Variants in MAF observed in about 807,000 individuals in gnomAD.
MAF encodes the protein transcription factor Maf.
MAF carries 10 observed loss-of-function variants against 22.0 expected under a neutral mutation model. The observed-to-expected ratio is 0.45, with a 90% CI of 0.28 to 0.77. The LOEUF (loss-of-function observed/expected upper bound fraction) is 0.77, where lower values mean the gene tolerates loss of function less well. Among genes scored for constraint, MAF ranks in the 30% least tolerant of loss-of-function variants. The pLI, the probability that MAF is intolerant of heterozygous loss-of-function variation, is 0.12. For missense variants in MAF, 544 were observed against 548.4 expected (o/e 0.99, Z 0.08); for synonymous variants, 337 against 255.8 (o/e 1.32, Z -3.03).
the MAF span, among the ~76,000 whole-genome samples, chr16:79,562,931 A>C: frequency 1.3e-5 from 2 of 152,178 alleles, no homozygotes; most frequent in Admixed American, 1.3e-4. Flanking sequence ...ATTCAAACAA[A>C]ACAAAAGCAA....
the MAF span, among the ~76,000 whole-genome samples, chr16:79,209,853 AT>A: frequency 2.6e-5 from 4 of 152,210 alleles, no homozygotes; most frequent in Non-Finnish European, 4.4e-5. Context: ...GCTCAGGGTT[AT>A]TAGGAATAAT....
chr16:79,251,114 G>A, the MAF span, among the ~76,000 whole-genome samples: 1 of 152,062 alleles, frequency 6.6e-6, no homozygotes, highest in African/African-American at 2.4e-5. Context: ...CTCTCAGAAA[G>A]GTTAAGTGCT....
chr16:79,476,861 TA>T, the MAF span, among the ~76,000 whole-genome samples: 1 of 152,178 alleles, frequency 6.6e-6, no homozygotes. Context: ...TGACATTTTT[TA>T]AAAAATGTCA....
chr16:79,302,586 TA>T, the MAF span, among the ~76,000 whole-genome samples: 9 of 152,344 alleles, frequency 5.9e-5, no homozygotes, highest in South Asian at 1.7e-3. Flanking sequence ...CCTCCTTTCA[TA>T]AAAACACCCA....
the MAF span, among the ~76,000 whole-genome samples, chr16:79,312,539 T>C: frequency 6.6e-6 from 1 of 152,250 alleles, no homozygotes; most frequent in African/African-American, 2.4e-5. Context: ...GTTTGCTCTT[T>C]TGTTCGAATT....
At chr16:79,309,982 C>A in the MAF span, among the ~76,000 whole-genome samples, 1 of 152,124 alleles carries the variant, frequency 6.6e-6, no homozygotes, top group African/African-American at 2.4e-5. Context: ...TAACTTACAC[C>A]GTGGCTTAAA....
chr16:79,449,386 C>A, the MAF span, among the ~76,000 whole-genome samples: 1 of 152,206 alleles, frequency 6.6e-6, no homozygotes, highest in African/African-American at 2.4e-5. Context: ...AATCATGTGA[C>A]TCACTTAATT....
the MAF span, among the ~76,000 whole-genome samples, chr16:79,571,748 T>G: frequency 2.0e-5 from 3 of 152,120 alleles, no homozygotes; most frequent in Non-Finnish European, 1.5e-5. Flanking sequence ...CCAGCTTCTC[T>G]TAACCCAGTC....
chr16:79,564,973 A>T, the MAF span, among the ~76,000 whole-genome samples: 7 of 152,188 alleles, frequency 4.6e-5, no homozygotes, highest in Non-Finnish European at 1.0e-4. Context: ...CGAACCTTAC[A>T]CATGTCTTAC....
At chr16:79,479,403 G>C in the MAF span, among the ~76,000 whole-genome samples, 1 of 152,210 alleles carries the variant, frequency 6.6e-6, no homozygotes, top group South Asian at 2.1e-4. Context: ...ACAAGTGAAT[G>C]ATCAATTTCA....
the MAF span, among the ~76,000 whole-genome samples, chr16:79,220,924 A>G: frequency 1.3e-5 from 2 of 152,234 alleles, no homozygotes; most frequent in Non-Finnish European, 2.9e-5. Flanking sequence ...GGGAGATGCC[A>G]TTAAAGTTCC....
the MAF span, among the ~76,000 whole-genome samples, chr16:79,436,640 A>C: frequency 6.6e-6 from 1 of 152,232 alleles, no homozygotes; most frequent in Non-Finnish European, 1.5e-5. Context: ...AATTGAGATC[A>C]CTTCTAAAGG....
chr16:79,562,765 C>T, the MAF span, among the ~76,000 whole-genome samples: 1 of 152,166 alleles, frequency 6.6e-6, no homozygotes, highest in Non-Finnish European at 1.5e-5. Context: ...TGTACTCACT[C>T]CTAGGAAAAC....
At chr16:79,277,092 C>G in the MAF span, among the ~76,000 whole-genome samples, 1 of 152,206 alleles carries the variant, frequency 6.6e-6, no homozygotes, top group South Asian at 2.1e-4. Context: ...GGCTGGAGAG[C>G]AGTGGTGCAA....
At chr16:79,217,957 C>T in the MAF span, among the ~76,000 whole-genome samples, 1 of 122,582 alleles carries the variant, frequency 8.2e-6, no homozygotes, top group African/African-American at 3.1e-5. Flanking sequence ...ATTCTGTTCA[C>T]CAGCAGGCAC....
the MAF span, among the ~76,000 whole-genome samples, chr16:79,579,133 G>T: frequency 6.6e-6 from 1 of 152,186 alleles, no homozygotes; most frequent in Non-Finnish European, 1.5e-5. Context: ...GAGCCCTATA[G>T]CTTACAGACA....
At chr16:79,543,077 C>T in the MAF span, among the ~76,000 whole-genome samples, 1 of 152,220 alleles carries the variant, frequency 6.6e-6, no homozygotes, top group Non-Finnish European at 1.5e-5. Context: ...CTTTTAAAAG[C>T]AGAACCACAT....
the MAF span, among the ~76,000 whole-genome samples, chr16:79,560,450 T>A: frequency 6.6e-6 from 1 of 152,102 alleles, no homozygotes; most frequent in Non-Finnish European, 1.5e-5. Flanking sequence ...CTATTTTGTT[T>A]TTCTACAACT....
chr16:79,409,723 G>A, the MAF span, among the ~76,000 whole-genome samples: 1 of 152,090 alleles, frequency 6.6e-6, no homozygotes, highest in African/African-American at 2.4e-5. Context: ...GGAGGAAGAG[G>A]GTGTGAACAG....
Sources: allele counts gnomAD v4.1 joint callset (sites outside exome capture counted in the v4.1 genomes callset), GRCh38; gene constraint gnomAD v4.1.1; transcripts MANE v1.5; gene names NCBI Gene and HGNC (gene_info 2026-07-23, HGNC 2026-07-21).